TBC1D4: variants seen among roughly 807,000 people sequenced by gnomAD.
The protein encoded by TBC1D4 is TBC (Tre-2, BUB2, CDC16) domain-containing protein.
In TBC1D4, 121 loss-of-function variants were observed where a neutral mutation model predicts 142.5. The ratio of observed to expected loss-of-function variants is 0.85; its 90% CI spans 0.73 to 0.99. The LOEUF is 0.99. Ranked by LOEUF, TBC1D4 falls within the 50% of genes least tolerant of loss-of-function variation. The probability of loss-of-function intolerance (pLI) is 0.00; values close to 1 mark genes in which losing one functional copy is unlikely to be tolerated. For synonymous variants in TBC1D4, 630 were observed against 628.2 expected (o/e 1.00, Z -0.04); for missense variants, 1,475 against 1,606.6 (o/e 0.92, Z 1.40).
At position 75,310,088 on chromosome 13, in the gene TBC1D4, G is replaced by A. The variant is rs766624952; in HGVS notation, c.2447C>T (p.Pro816Leu). The A allele has an allele frequency of 2.0e-5, 32 of 1,613,998 alleles. No individual in the cohort carries two copies. Among genetic ancestry groups the A allele is most frequent in the Middle Eastern group, 1.7e-4 (1 of 6,060 alleles). The change falls in exon 14 of 21, where the codon CCG becomes CTG. Residue 816 changes from proline (P) to leucine (L), a missense_variant. Physicochemically the swap from Pro to Leu is moderately conservative, Grantham distance 98 (BLOSUM62 -3). Transcript: ENST00000377636. Reference protein sequence around the residue: ...SPLSPTMEEEPLVVFLSGEDD... With the variant: ...SPLSPTMEEELLVVFLSGEDD... ...CTCCCCAGACAGGAATACAACCAGCGGTTCCTCCTCCATGGTTGGAGAGAG... is the reference window on the plus strand; with the variant it reads ...CTCCCCAGACAGGAATACAACCAGCAGTTCCTCCTCCATGGTTGGAGAGAG...
Position 75,283,511 on chromosome 13 carries a change from T to C in TBC1D4, c.*3281A>G, listed in dbSNP as rs765885202. Among the ~76,000 whole-genome samples the C allele has an allele frequency of 6.6e-6, 1 of 152,228 alleles. No homozygotes were observed. Among genetic ancestry groups the C allele is most frequent in the Non-Finnish European group, 1.5e-5 (1 of 68,038 alleles). On this transcript the variant is annotated 3_prime_UTR_variant, in exon 21 of 21. Transcript: ENST00000377636. ...TTAGCAAGAAGATACAGTGTATTTT[T>C]ATTGGATTACAAATATACATGAGAA...
chr13:75,382,276 T>C (rs1043093869), intron 1 of TBC1D4, among the ~76,000 whole-genome samples: 2 of 152,220 alleles, frequency 1.3e-5, no homozygotes, highest in Non-Finnish European at 2.9e-5. Context: ...AATGTCTATT[T>C]ACATGAAGTT....
At chr13:75,339,042 T>C (rs1258433492) in intron 7 of TBC1D4, among the ~76,000 whole-genome samples, 3 of 152,214 alleles carry the variant, frequency 2.0e-5, no homozygotes, top group Admixed American at 6.5e-5. Flanking sequence ...TCAAGACGAA[T>C]TATTCAAGCT....
intron 1 of TBC1D4, among the ~76,000 whole-genome samples, chr13:75,383,234 A>C (rs1883959463): frequency 6.6e-6 from 1 of 152,160 alleles, no homozygotes. Flanking sequence ...GAGGCACAAG[A>C]ATCACTTGAA....
chr13:75,345,757 T>C (rs490935), intron 5 of TBC1D4, among the ~76,000 whole-genome samples: 8,902 of 151,804 alleles, frequency 0.059, 671 homozygotes, highest in African/African-American at 0.17. Context: ...AAAAAGATAT[T>C]TAAAACTATA....
chr13:75,433,003 A>G lies in TBC1D4; in HGVS notation c.498+48267T>C, dbSNP rs76314573. The stretch of plus-strand genomic sequence containing the variant: ...CTATGCTCTTTGCATGGTGCCTCTA[A>G]TAAGGATTAGAGCAAATAACTGAAA... On this transcript the variant is annotated intron_variant, in intron 1 of 20. Coordinates refer to ENST00000377636, the MANE Select transcript of TBC1D4 (RefSeq NM_014832.5). 6.0e-3 allele frequency among the ~76,000 whole-genome samples: 907 copies of G among 152,160 alleles called. 10 individuals are homozygous for G. Among genetic ancestry groups the G allele is most frequent in the African/African-American group, 0.021 (878 of 41,504 alleles).
intron 1 of TBC1D4, among the ~76,000 whole-genome samples, chr13:75,423,942 A>T (rs910627672): frequency 3.9e-5 from 6 of 152,216 alleles, no homozygotes; most frequent in African/African-American, 1.4e-4. Context: ...TGTACACTTT[A>T]AAATAGTTAA....
chr13:75,409,953 ATGT>A (rs930888568), intron 1 of TBC1D4, among the ~76,000 whole-genome samples: 2 of 152,206 alleles, frequency 1.3e-5, no homozygotes, highest in Admixed American at 6.5e-5. Flanking sequence ...CACTTGACAG[ATGT>A]TGTAAAGGAT....
Position 75,314,812 on chromosome 13 carries a change from C to CA in TBC1D4, c.2223-1915dup, listed in dbSNP as rs71201174. On this transcript the variant is annotated intron_variant, in intron 12 of 20. Transcript: ENST00000377636. ...TGAAACCCTGTCTCAACTAAAAATA[C>CA]AAAAAAAAAAAAAAAAATTAGCTGG... Among the ~76,000 whole-genome samples the CA allele has an allele frequency of 5.1e-3, 618 of 120,130 alleles. 1 individual carries two copies. The highest frequency in any genetic ancestry group is 0.01 in the African/African-American group (316 of 30,764). 78.8% of individuals were successfully genotyped at this position (120,130 alleles called of 152,430 possible).
intron 11 of TBC1D4, among the ~76,000 whole-genome samples, chr13:75,321,539 G>A (rs1878784265): frequency 6.6e-6 from 1 of 152,056 alleles, no homozygotes; most frequent in African/African-American, 2.4e-5. Flanking sequence ...AATCCTCTGT[G>A]ATATTTCTGC....
At chr13:75,351,795 T>G (rs1262126719) in intron 4 of TBC1D4, among the ~76,000 whole-genome samples, 1 of 152,160 alleles carries the variant, frequency 6.6e-6, no homozygotes, top group Non-Finnish European at 1.5e-5. Flanking sequence ...GTGCCACATT[T>G]TCTTAATCTA....
intron 1 of TBC1D4, among the ~76,000 whole-genome samples, chr13:75,367,649 T>A (rs1397200346): frequency 6.6e-6 from 1 of 152,142 alleles, no homozygotes; most frequent in Non-Finnish European, 1.5e-5. Context: ...GAAATATATT[T>A]GGTTTGGAAG....
chr13:75,442,273 C>T (rs1887076044), intron 1 of TBC1D4, among the ~76,000 whole-genome samples: 1 of 152,096 alleles, frequency 6.6e-6, no homozygotes, highest in African/African-American at 2.4e-5. Context: ...ACAAAACTTA[C>T]CACAGAATCA....
At chr13:75,313,586 A>G in intron 12 of TBC1D4, among the ~76,000 whole-genome samples, 1 of 152,216 alleles carries the variant, frequency 6.6e-6, no homozygotes, top group Non-Finnish European at 1.5e-5. Context: ...CAGTGGCGCA[A>G]TCACAGCTCA....
chr13:75,366,671 C>T (rs186075007), intron 1 of TBC1D4, among the ~76,000 whole-genome samples: 15 of 97,884 alleles, frequency 1.5e-4, no homozygotes, highest in Admixed American at 1.5e-3. Context: ...AAAGCAATTC[C>T]TCACTCTAGA....
Position 75,356,147 on chromosome 13 carries a change from C to T in TBC1D4, c.1275G>A (p.Leu425=). Residue 425 remains leucine (L), a splice_region_variant and synonymous_variant, in exon 4 of 21, where the codon CTG becomes CTA. Transcript: ENST00000377636. ...GGCAGACAGCAATAACACTACTTACCAGAGATTCGCTGGCACACTGGAATA... is the reference window on the plus strand; with the variant it reads ...GGCAGACAGCAATAACACTACTTACTAGAGATTCGCTGGCACACTGGAATA... ...CYVFQCASES[L]VDEVMLTLKQ... The T allele has an allele frequency of 6.2e-7, 1 of 1,611,684 alleles. No individual in the cohort carries two copies. The highest frequency in any genetic ancestry group is 8.5e-7 in the Non-Finnish European group (1 of 1,178,166).
chr13:75,353,782 C>G (rs1289006103), intron 4 of TBC1D4, among the ~76,000 whole-genome samples: 1 of 152,158 alleles, frequency 6.6e-6, no homozygotes, highest in African/African-American at 2.4e-5. Flanking sequence ...AAAGAGATAA[C>G]TAAAGCATTG....
chr13:75,425,305 G>C (rs1017209490), intron 1 of TBC1D4, among the ~76,000 whole-genome samples: 1 of 152,120 alleles, frequency 6.6e-6, no homozygotes, highest in Non-Finnish European at 1.5e-5. Context: ...CTGTTGGAAT[G>C]GTTATTATAA....
At chr13:75,343,092 A>G (rs951967177) in intron 5 of TBC1D4, among the ~76,000 whole-genome samples, 5 of 152,260 alleles carry the variant, frequency 3.3e-5, no homozygotes, top group African/African-American at 1.2e-4. Context: ...TTAGTCTATA[A>G]GTACATTGTG....
Sources: allele counts gnomAD v4.1 joint callset (sites outside exome capture counted in the v4.1 genomes callset), GRCh38; gene constraint gnomAD v4.1.1; transcripts MANE v1.5; gene names NCBI Gene and HGNC (gene_info 2026-07-23, HGNC 2026-07-21).